The following PKIG variants were observed in gnomAD, a reference collection of about 807,000 sequenced individuals.
PKIG encodes the protein cAMP-dependent protein kinase inhibitor gamma, also known as protein kinase (cAMP-dependent, catalytic) inhibitor gamma.
In PKIG, 1 loss-of-function variant was observed where a neutral mutation model predicts 6.8. That is an observed-to-expected ratio of 0.15 (90% CI 0.05 to 0.69). PKIG has a LOEUF of 0.69. Ranked by LOEUF, PKIG falls within the 30% of genes least tolerant of loss-of-function variation. The pLI is 0.82. For synonymous variants in PKIG, 39 were observed against 43.0 expected (o/e 0.91, Z 0.36); for missense variants, 77 against 104.0 (o/e 0.74, Z 1.13).
rs541613040 is a variant in PKIG at position 44,546,481 on chromosome 20, G to T, written c.-241+14503G>T. 3.1e-4 allele frequency among the ~76,000 whole-genome samples: 47 copies of T among 151,766 alleles called. No individual in the cohort carries two copies. The Middle Eastern group carries it at 0.01, about 33-fold the overall frequency. On this transcript the variant is annotated intron_variant, in intron 1 of 4. Coordinates refer to the PKIG transcript ENST00000372887. Reference sequence around the variant, plus strand: ...GAAATGAATATCACCAGGCCTTATTGTTGGTCATTATAAATTGTGCCCTGG... The same window carrying T: ...GAAATGAATATCACCAGGCCTTATTTTTGGTCATTATAAATTGTGCCCTGG...
At chr20:44,579,440 G>T (rs1301324344), upstream of PKIG, among the ~76,000 whole-genome samples, 1 of 152,222 alleles carries the variant, frequency 6.6e-6, no homozygotes, top group African/African-American at 2.4e-5. Flanking sequence ...TTCAGGACTG[G>T]CACCACATGG....
intron 1 of PKIG, among the ~76,000 whole-genome samples, chr20:44,559,330 T>C (rs560722788): frequency 6.6e-6 from 1 of 152,264 alleles, no homozygotes; most frequent in Non-Finnish European, 1.5e-5. Context: ...CAAACTATTC[T>C]ACTGCTATTG....
intron 1 of PKIG, among the ~76,000 whole-genome samples, chr20:44,542,005 C>G (rs964415392): frequency 1.3e-5 from 2 of 152,220 alleles, no homozygotes; most frequent in Non-Finnish European, 2.9e-5. Context: ...AGCTTATTTT[C>G]TTATTTGTAA....
At chr20:44,559,988 A>T (rs1333673010) in intron 1 of PKIG, among the ~76,000 whole-genome samples, 1 of 151,834 alleles carries the variant, frequency 6.6e-6, no homozygotes, top group Non-Finnish European at 1.5e-5. Flanking sequence ...GGATCACTTG[A>T]GCTCATGAGT....
chr20:44,549,551 G>A (rs921632606), intron 1 of PKIG, among the ~76,000 whole-genome samples: 4 of 152,126 alleles, frequency 2.6e-5, no homozygotes, highest in African/African-American at 9.7e-5. Context: ...AAGGCTTGAC[G>A]CTGTGGCTCA....
At chr20:44,571,047 A>C (rs1462108706) in intron 1 of PKIG, among the ~76,000 whole-genome samples, 1 of 152,134 alleles carries the variant, frequency 6.6e-6, no homozygotes, top group Non-Finnish European at 1.5e-5. Context: ...CAGCCTGGCC[A>C]ACATGGTGAA....
intron 2 of PKIG, among the ~76,000 whole-genome samples, chr20:44,591,208 A>G (rs963884557): frequency 7.9e-5 from 12 of 152,142 alleles, no homozygotes; most frequent in Non-Finnish European, 1.2e-4. Context: ...GCGGAGCAGC[A>G]CAGCGAAGGC....
At chr20:44,540,565 T>G (rs761113644) in intron 1 of PKIG, among the ~76,000 whole-genome samples, 12 of 151,840 alleles carry the variant, frequency 7.9e-5, no homozygotes, top group Non-Finnish European at 1.3e-4. Context: ...TTTGTTTTGT[T>G]TTTTTTTGTT....
chr20:44,594,559 C>A (rs997324524), intron 2 of PKIG, among the ~76,000 whole-genome samples: 45 of 152,188 alleles, frequency 3.0e-4, no homozygotes, highest in African/African-American at 1.0e-3. Flanking sequence ...GAAACTGAGG[C>A]TCAGAGATGT....
intron 1 of PKIG, among the ~76,000 whole-genome samples, chr20:44,556,294 T>C (rs2064712356): frequency 6.6e-6 from 1 of 152,246 alleles, no homozygotes; most frequent in African/African-American, 2.4e-5. Flanking sequence ...ATCCCACATA[T>C]GTTACAACCA....
rs144195549 is a variant in PKIG, at chr20:44,541,006, A to G, written c.-241+9028A>G. On this transcript the variant is annotated intron_variant, in intron 1 of 4. Coordinates refer to the PKIG transcript ENST00000372887. ...GTTGGTTGGAGAGGGGAAGGAAGTTAGGACCAGGCAGGAATGAGTGGGTGG... is the reference window on the plus strand; with the variant it reads ...GTTGGTTGGAGAGGGGAAGGAAGTTGGGACCAGGCAGGAATGAGTGGGTGG... 6.0e-3 allele frequency among the ~76,000 whole-genome samples: 912 copies of G among 152,338 alleles called. 6 individuals are homozygous for G. The highest frequency in any genetic ancestry group is 0.019 in the African/African-American group (797 of 41,584).
At chr20:44,559,111 C>G (rs1161120320) in intron 1 of PKIG, among the ~76,000 whole-genome samples, 2 of 152,122 alleles carry the variant, frequency 1.3e-5, no homozygotes, top group Admixed American at 6.6e-5. Context: ...TTAAAATAAA[C>G]TTTTAAAAAA....
upstream of PKIG, among the ~76,000 whole-genome samples, chr20:44,579,889 T>C (rs1481338679): frequency 6.6e-6 from 1 of 152,228 alleles, no homozygotes; most frequent in Admixed American, 6.5e-5. Context: ...TCCTGACACC[T>C]ACTCAGTCTT....
intron 1 of PKIG, among the ~76,000 whole-genome samples, chr20:44,541,430 A>T (rs770603196): frequency 2.6e-5 from 4 of 152,108 alleles, no homozygotes; most frequent in Non-Finnish European, 5.9e-5. Context: ...CTGGGACTAC[A>T]GGTGTGTGCC....
chr20:44,563,564 C>G (rs901671958), intron 1 of PKIG, among the ~76,000 whole-genome samples: 1 of 152,134 alleles, frequency 6.6e-6, no homozygotes, highest in African/African-American at 2.4e-5. Context: ...GGATCTTGCT[C>G]TCTTGCCCAG....
intron 1 of PKIG, among the ~76,000 whole-genome samples, chr20:44,536,422 A>G (rs2064512773): frequency 6.6e-6 from 1 of 152,168 alleles, no homozygotes; most frequent in Non-Finnish European, 1.5e-5. Flanking sequence ...GGCTGGGGAA[A>G]TAAGGGTAAA....
At chr20:44,550,351 C>A (rs2123190619) in intron 1 of PKIG, among the ~76,000 whole-genome samples, 1 of 151,446 alleles carries the variant, frequency 6.6e-6, no homozygotes, top group Middle Eastern at 3.4e-3. Context: ...CCCTAAAGAA[C>A]TGAGGGTTCT....
chr20:44,589,490 T>G (rs571403682), intron 1 of PKIG, among the ~76,000 whole-genome samples: 1 of 152,358 alleles, frequency 6.6e-6, no homozygotes, highest in East Asian at 1.9e-4. Flanking sequence ...GTATAGTTTC[T>G]CATGATATTG....
rs2065290154 is a variant in PKIG, at chr20:44,618,359, T to C, written c.226T>C (p.Ser76Pro). The C allele has an allele frequency of 1.2e-6, 2 of 1,608,618 alleles. No homozygotes were observed. Among genetic ancestry groups the C allele is most frequent in the South Asian group, 2.2e-5 (2 of 90,964 alleles). ...QPQSSDGTTS[S>P] ...CCAGAGCAGCGATGGGACCACCTCGTCTTGAATCTGACCTTGTCCAAGAAG... is the reference window on the plus strand; with the variant it reads ...CCAGAGCAGCGATGGGACCACCTCGCCTTGAATCTGACCTTGTCCAAGAAG... Residue 76 changes from serine (S) to proline (P), a missense_variant, in exon 4 of 4, where the codon TCT becomes CCT. Ser to Pro is a moderately conservative substitution (Grantham distance 74). Coordinates refer to ENST00000372886, the MANE Select transcript of PKIG (RefSeq NM_001281445.2).
Sources: allele counts gnomAD v4.1 joint callset (sites outside exome capture counted in the v4.1 genomes callset), GRCh38; gene constraint gnomAD v4.1.1; transcripts MANE v1.5; gene names NCBI Gene and HGNC (gene_info 2026-07-23, HGNC 2026-07-21).